The following PCNT variants were observed in gnomAD, a reference collection of about 807,000 sequenced individuals.
The protein encoded by PCNT is kendrin.
A neutral mutation model predicts 380.4 loss-of-function variants in PCNT; 319 were observed. The observed-to-expected ratio is 0.84, with a 90% CI of 0.77 to 0.92. The LOEUF (loss-of-function observed/expected upper bound fraction) is 0.92. Ranked by LOEUF, PCNT falls within the 40% of genes least tolerant of loss-of-function variation. The probability of loss-of-function intolerance (pLI) is 0.00; values close to 1 mark genes in which losing one functional copy is unlikely to be tolerated. For missense variants in PCNT, 4,400 were observed against 4,255.3 expected (o/e 1.03, Z -0.95); for synonymous variants, 1,845 against 1,735.2 (o/e 1.06, Z -1.57).
intron 38 of PCNT, among the ~76,000 whole-genome samples, chr21:46,433,523 G>C (rs776967323): frequency 6.6e-6 from 1 of 152,210 alleles, no homozygotes; most frequent in Non-Finnish European, 1.5e-5. Flanking sequence ...AGCTGAGGGT[G>C]AGACGTGGTG....
At chr21:46,395,112 G>A (rs1479342361) in intron 21 of PCNT, among the ~76,000 whole-genome samples, 1 of 152,246 alleles carries the variant, frequency 6.6e-6, no homozygotes, top group African/African-American at 2.4e-5. Context: ...GCAGCAGCAT[G>A]TTTACAGCGG....
At chr21:46,419,463 C>T (rs555549924) in intron 31 of PCNT, among the ~76,000 whole-genome samples, 1 of 152,370 alleles carries the variant, frequency 6.6e-6, no homozygotes, top group African/African-American at 2.4e-5. Context: ...CCTAGCCCCT[C>T]GCCACACGCC....
At chr21:46,326,329 T>C in intron 1 of PCNT, 48 bp from the exon 2 acceptor site, 1 of 1,583,642 alleles carries the variant, frequency 6.3e-7, no homozygotes, top group Non-Finnish European at 8.7e-7. Flanking sequence ...TCTGTTATTT[T>C]TTTCTCACTT....
chr21:46,395,321 G>A (rs1310261614), intron 21 of PCNT, among the ~76,000 whole-genome samples: 1 of 152,186 alleles, frequency 6.6e-6, no homozygotes, highest in Non-Finnish European at 1.5e-5. Flanking sequence ...TTCAGGCCGG[G>A]AGTGGTAGCT....
intron 3 of PCNT, among the ~76,000 whole-genome samples, chr21:46,339,407 A>T (rs1223458694): frequency 6.6e-6 from 1 of 152,208 alleles, no homozygotes; most frequent in Non-Finnish European, 1.5e-5. Context: ...AACTAAAAGG[A>T]TAGATAGACA....
chr21:46,326,277 C>T, intron 1 of PCNT, 100 bp from the exon 2 acceptor site: 2 of 1,093,814 alleles, frequency 1.8e-6, no homozygotes, highest in Non-Finnish European at 2.7e-6. Flanking sequence ...CTGGGTCAGC[C>T]CTCGGGCCTC....
chr21:46,359,216 G>T (rs142778707), intron 13 of PCNT, among the ~76,000 whole-genome samples: 8,947 of 130,800 alleles, frequency 0.068, 591 homozygotes, highest in Non-Finnish European at 0.086. Context: ...GCCTCCCAAA[G>T]TGTTGGGACT....
rs764529113 is a variant in PCNT, at chr21:46,334,398, C to T, written c.269C>T (p.Pro90Leu). The change falls in exon 3 of 47, where the codon CCG becomes CTG. Residue 90 changes from proline to leucine, a missense_variant and splice_region_variant. Physicochemically the swap from Pro to Leu is moderately conservative, Grantham distance 98. Transcript: ENST00000359568. ...TCTTTCTGGTCCTCCCCTTCTTAGC[C>T]GGAGGACTGTGATGGAGAGAAGAGA... ...DGAGGAFAAQ[P>L]EDCDGEKRED... 6.8e-6 allele frequency: 11 copies of T among 1,614,028 alleles called. No homozygotes were observed. The highest frequency in any genetic ancestry group is 2.7e-5 in the African/African-American group (2 of 74,936).
Position 46,353,288 on chromosome 21 carries a change from G to A in PCNT, c.1641G>A (p.Gly547=), listed in dbSNP as rs747415151. 1.2e-6 allele frequency: 2 copies of A among 1,614,162 alleles called. No individual in the cohort carries two copies. Among genetic ancestry groups the A allele is most frequent in the South Asian group, 2.2e-5 (2 of 91,084 alleles). ...DLTLLQQRLQ[G]AREDALLDSV... is the part of the protein sequence containing the mutation. ...CCCTGTTACAGCAGAGGCTGCAGGG[G>A]GCGAGGGAAGATGCTCTTCTGGACT... Residue 547 remains glycine, a synonymous_variant, in exon 10 of 47, where the codon GGG becomes GGA. Coordinates refer to ENST00000359568, the MANE Select transcript of PCNT (RefSeq NM_006031.6).
chr21:46,419,396 T>G (rs2087154300), intron 31 of PCNT, among the ~76,000 whole-genome samples: 1 of 152,178 alleles, frequency 6.6e-6, no homozygotes, highest in Admixed American at 6.5e-5. Context: ...AAATGTCTTC[T>G]CGTATTTGCT....
intron 35 of PCNT, among the ~76,000 whole-genome samples, chr21:46,429,074 A>C (rs952353253): frequency 2.0e-5 from 3 of 152,074 alleles, no homozygotes; most frequent in Non-Finnish European, 4.4e-5. Flanking sequence ...GTACCATCGC[A>C]TGTGGGGTCA....
intron 3 of PCNT, among the ~76,000 whole-genome samples, chr21:46,345,245 T>G (rs2084028864): frequency 6.6e-6 from 1 of 152,006 alleles, no homozygotes; most frequent in Non-Finnish European, 1.5e-5. Flanking sequence ...TGAGGTGGAG[T>G]CTCGCTCTGT....
rs2147908650 is a variant in PCNT at position 46,425,995 on chromosome 21, T to A, written c.7320+24T>A. ...AGGTTTATTTTGCCCTTCACACACT[T>A]CTTTTCCAAAGGATTTAAGGAGCTT... On this transcript the variant is annotated intron_variant, in intron 33 of 46. Transcript: ENST00000359568. This position sits in a 1 kb window ranked among gnomAD's most constrained non-coding sequence, Gnocchi z 4.2. 1.2e-6 allele frequency: 2 copies of A among 1,613,676 alleles called. No homozygotes were observed. The highest frequency in any genetic ancestry group is 4.5e-5 in the East Asian group (2 of 44,872).
intron 37 of PCNT, chr21:46,430,953 A>G (rs2087736510): frequency 4.1e-6 from 4 of 984,886 alleles, no homozygotes; most frequent in Non-Finnish European, 4.8e-6. Context: ...GCTGGCATCC[A>G]GACAGAGCAC....
intron 3 of PCNT, among the ~76,000 whole-genome samples, chr21:46,343,719 A>G (rs1431480930): frequency 6.6e-6 from 1 of 152,154 alleles, no homozygotes; most frequent in African/African-American, 2.4e-5. Flanking sequence ...TGAATGTCTG[A>G]TAGAATTCAG....
rs112231246 is a variant in PCNT at position 46,366,688 on chromosome 21, A to T, written c.2714A>T (p.Gln905Leu). 7.4e-6 allele frequency: 12 copies of T among 1,613,828 alleles called. 1 individual carries two copies. The highest frequency in any genetic ancestry group is 1.0e-5 in the Non-Finnish European group (12 of 1,180,028). ...EQHARELQLLQERHQQQLLSV... is the reference protein window; with the variant it reads ...EQHARELQLLLERHQQQLLSV... ...CATGCCCGTGAGCTGCAGCTCCTCCAGGAGAGACACCAGCAGCAGCTCCTG... is the reference window on the plus strand; with the variant it reads ...CATGCCCGTGAGCTGCAGCTCCTCCTGGAGAGACACCAGCAGCAGCTCCTG... The change falls in exon 15 of 47, where the codon CAG (glutamine) becomes CTG (leucine). Residue 905 changes from glutamine (Q) to leucine (L), a missense_variant. Transcript: ENST00000359568.
chr21:46,361,138 C>T (rs2084699833), intron 13 of PCNT, among the ~76,000 whole-genome samples: 1 of 152,140 alleles, frequency 6.6e-6, no homozygotes, highest in African/African-American at 2.4e-5. Flanking sequence ...GGCCAGTAAT[C>T]CCAGCACTTT....
chr21:46,371,858 A>G (rs891180421), intron 15 of PCNT, among the ~76,000 whole-genome samples: 4 of 148,546 alleles, frequency 2.7e-5, no homozygotes, highest in African/African-American at 1.0e-4. Flanking sequence ...ATGTGCACAC[A>G]GCATGTGTGC....
chr21:46,377,066 T>C (rs1462942964), intron 15 of PCNT, among the ~76,000 whole-genome samples: 1 of 142,080 alleles, frequency 7.0e-6, no homozygotes, highest in African/African-American at 2.7e-5. Context: ...TTTATCCTTT[T>C]CCTCCCCATG....
Sources: allele counts gnomAD v4.1 joint callset (sites outside exome capture counted in the v4.1 genomes callset), GRCh38; gene constraint gnomAD v4.1.1; non-coding constraint Gnocchi (gnomAD v3.1); transcripts MANE v1.5; gene names NCBI Gene and HGNC (gene_info 2026-07-23, HGNC 2026-07-21).